PDZD2: variants seen among roughly 807,000 people sequenced by gnomAD.
PDZD2 encodes the protein PDZ domain-containing protein 2.
In PDZD2, 90 loss-of-function variants were observed where a neutral mutation model predicts 220.7. The ratio of observed to expected loss-of-function variants is 0.41; its 90% CI spans 0.34 to 0.49. The LOEUF is 0.49. Among genes scored for constraint, PDZD2 ranks in the 20% least tolerant of loss-of-function variants. PDZD2 has a pLI of 0.28. For synonymous variants in PDZD2, 1,375 were observed against 1,450.5 expected, an observed-to-expected ratio of 0.95 and a Z score of 1.18; for missense variants, 3,174 against 3,608.5, an observed-to-expected ratio of 0.88 and a Z score of 3.08.
At chr5:31,938,750 C>T (rs566245358) in intron 2 of PDZD2, among the ~76,000 whole-genome samples, 1 of 152,096 alleles carries the variant, frequency 6.6e-6, no homozygotes, top group Non-Finnish European at 1.5e-5. Flanking sequence ...CTTTATTGCC[C>T]TCTAAGAAAG....
Position 31,670,302 on chromosome 5 carries a change from G to A in PDZD2, c.-361+30865G>A, listed in dbSNP as rs112235317. Among the ~76,000 whole-genome samples the A allele has an allele frequency of 7.2e-3, 1,093 of 152,272 alleles. 12 individuals are homozygous for A. The highest frequency in any genetic ancestry group is 0.025 in the African/African-American group (1,046 of 41,546). ...GTTTTGGATTTTTCAGTCATATCAG[G>A]ACTTTAGTTTGACTTCCACAAATAC... is the stretch of plus-strand genomic sequence containing the variant. On this transcript the variant is annotated intron_variant, in intron 1 of 24. Transcript: ENST00000438447.
At chr5:31,645,739 G>A (rs531142298) in intron 1 of PDZD2, among the ~76,000 whole-genome samples, 1 of 152,208 alleles carries the variant, frequency 6.6e-6, no homozygotes, top group South Asian at 2.1e-4. Flanking sequence ...CTGGCCTCAG[G>A]ACAGCCATCA....
At chr5:31,775,664 C>CGTGTGTGTGT (rs370394146) in intron 1 of PDZD2, among the ~76,000 whole-genome samples, 2,717 of 135,434 alleles carry the variant, frequency 0.02, 48 homozygotes, top group Non-Finnish European at 0.024. Context: ...ACTCACAGAG[C>CGTGTGTGTGT]GTGTGTGTGT....
At position 32,074,518 on chromosome 5, in the gene PDZD2, A is replaced by G. The variant is rs1741096077; in HGVS notation, c.3412A>G (p.Ser1138Gly). 2 of 1,614,132 alleles carry G rather than the reference A, an allele frequency of 1.2e-6. No individual in the cohort carries two copies. The highest frequency in any genetic ancestry group is 1.7e-6 in the Non-Finnish European group (2 of 1,179,958). ...GAGATCCGAGGCTGAGGCCAAGCCC[A>G]GTGGCTCACAGACAGTGAACCTGAC... ...CKRSEAEAKP[S>G]GSQTVNLTGR... The change falls in exon 18 of 25, where the codon AGT becomes GGT. Residue 1138 changes from serine (S) to glycine (G), a missense_variant. By Grantham distance (56) the Ser-to-Gly change is moderately conservative. Around this residue, in one of 4 missense-constraint regions of PDZD2, gnomAD observed 1,861 missense variants for 2,001.0 expected, o/e 0.93. Coordinates refer to ENST00000438447, the MANE Select transcript of PDZD2 (RefSeq NM_178140.4).
At chr5:31,937,191 T>G (rs1475971262) in intron 2 of PDZD2, among the ~76,000 whole-genome samples, 1 of 152,234 alleles carries the variant, frequency 6.6e-6, no homozygotes, top group Non-Finnish European at 1.5e-5. Flanking sequence ...CCCCAGGTTC[T>G]GAATCATTTC....
intron 2 of PDZD2, among the ~76,000 whole-genome samples, chr5:31,894,013 C>T (rs895041868): frequency 9.3e-5 from 14 of 151,002 alleles, no homozygotes; most frequent in African/African-American, 3.2e-4. Context: ...TCCTGCCTCA[C>T]CTTCCCGAGT....
intron 2 of PDZD2, among the ~76,000 whole-genome samples, chr5:31,859,689 T>C (rs1737502021): frequency 1.3e-5 from 2 of 152,184 alleles, no homozygotes; most frequent in South Asian, 4.1e-4. Context: ...CATTAAAGGC[T>C]TTCTTCAAAT....
chr5:31,984,364 T>C (rs188994896), intron 3 of PDZD2, among the ~76,000 whole-genome samples: 1 of 152,286 alleles, frequency 6.6e-6, no homozygotes, highest in Admixed American at 6.5e-5. Context: ...CAACATTCTG[T>C]CCTATGAGAA....
intron 2 of PDZD2, among the ~76,000 whole-genome samples, chr5:31,979,455 C>T (rs932184705): frequency 2.0e-5 from 3 of 151,836 alleles, no homozygotes; most frequent in African/African-American, 7.3e-5. Flanking sequence ...TGGTGGGCAC[C>T]TGTAATTCTA....
chr5:31,768,465 A>AC (rs1248427193), intron 1 of PDZD2, among the ~76,000 whole-genome samples: 1 of 151,882 alleles, frequency 6.6e-6, no homozygotes, highest in Non-Finnish European at 1.5e-5. Flanking sequence ...ACATAGTGAA[A>AC]CCCCGTCTCT....
At chr5:31,924,699 C>T (rs1744586383) in intron 2 of PDZD2, among the ~76,000 whole-genome samples, 1 of 152,234 alleles carries the variant, frequency 6.6e-6, no homozygotes, top group Non-Finnish European at 1.5e-5. Flanking sequence ...TAGCCAATCT[C>T]ATGGACACCA....
At chr5:31,930,739 C>T (rs560403815) in intron 2 of PDZD2, among the ~76,000 whole-genome samples, 2 of 152,230 alleles carry the variant, frequency 1.3e-5, no homozygotes, top group East Asian at 1.9e-4. Context: ...TGACTCAGTA[C>T]AGCAGAAGGG....
intron 1 of PDZD2, among the ~76,000 whole-genome samples, chr5:31,789,541 G>C (rs1753578110): frequency 6.6e-6 from 1 of 152,218 alleles, no homozygotes; most frequent in Non-Finnish European, 1.5e-5. Flanking sequence ...TGGGTGTTAT[G>C]TGGTCTTCTC....
chr5:31,825,880 C>T (rs1009228680), intron 2 of PDZD2, among the ~76,000 whole-genome samples: 3 of 152,094 alleles, frequency 2.0e-5, no homozygotes, highest in Non-Finnish European at 4.4e-5. Context: ...AGATTGTTTT[C>T]GAGCATGGTT....
chr5:31,804,119 G>A (rs1032506690), intron 2 of PDZD2, among the ~76,000 whole-genome samples: 1 of 152,108 alleles, frequency 6.6e-6, no homozygotes, highest in African/African-American at 2.4e-5. Context: ...TCACAGCTGA[G>A]GAAGTAAAAT....
At position 31,701,712 on chromosome 5, in the gene PDZD2, G is replaced by C. The variant is rs142460485; in HGVS notation, c.-361+62275G>C. 3.8e-3 allele frequency among the ~76,000 whole-genome samples: 575 copies of C among 152,304 alleles called. 1 individual carries two copies. Among genetic ancestry groups the C allele is most frequent in the Non-Finnish European group, 7.0e-3 (479 of 68,030 alleles). ...GCTTTGATGCCACACATTTGCATCTGGGAACGCAACTCTGGTTTTCTCTCA... is the reference window on the plus strand; with the variant it reads ...GCTTTGATGCCACACATTTGCATCTCGGAACGCAACTCTGGTTTTCTCTCA... On this transcript the variant is annotated intron_variant, in intron 1 of 24. Coordinates refer to ENST00000438447, the MANE Select transcript of PDZD2 (RefSeq NM_178140.4).
chr5:31,890,071 A>G (rs1740876232), intron 2 of PDZD2, among the ~76,000 whole-genome samples: 1 of 145,396 alleles, frequency 6.9e-6, no homozygotes, highest in Non-Finnish European at 1.5e-5. Flanking sequence ...CAAAACAAAC[A>G]AACAAAACCG....
intron 2 of PDZD2, among the ~76,000 whole-genome samples, chr5:31,870,296 A>G (rs1426810484): frequency 1.3e-5 from 2 of 152,200 alleles, no homozygotes; most frequent in African/African-American, 4.8e-5. Flanking sequence ...CCCCTGCAAA[A>G]AGTTATCAGA....
At chr5:31,719,774 T>C (rs1748677851) in intron 1 of PDZD2, among the ~76,000 whole-genome samples, 2 of 152,192 alleles carry the variant, frequency 1.3e-5, no homozygotes, top group Non-Finnish European at 2.9e-5. Context: ...TAATCAGCAA[T>C]AATTGATTGA....
Sources: gnomAD v4.1 joint callset for allele counts (sites outside exome capture counted in the v4.1 genomes callset) on GRCh38, gnomAD v4.1.1 for gene constraint, gnomAD v4.1.1 regional missense constraint, MANE v1.5 for transcripts, NCBI Gene and HGNC (gene_info 2026-07-23, HGNC 2026-07-21) for gene names.